Variants in CSMD1 observed in about 807,000 individuals in gnomAD.
CSMD1 encodes CUB and Sushi multiple domains 1.
A neutral mutation model predicts 417.5 loss-of-function variants in CSMD1; 213 were observed. That is an observed-to-expected ratio of 0.51 (90% CI 0.46 to 0.57). The LOEUF is 0.57. Ranked by LOEUF, CSMD1 falls within the 20% of genes least tolerant of loss-of-function variation. CSMD1 has a pLI of 0.00. For synonymous variants in CSMD1, 2,862 were observed against 1,736.8 expected (o/e 1.65, Z -16.11); for missense variants, 6,923 against 4,529.7 (o/e 1.53, Z -15.17).
intron 7 of CSMD1, among the ~76,000 whole-genome samples, chr8:3,624,338 A>G (rs1796393335): frequency 6.6e-6 from 1 of 152,196 alleles, no homozygotes; most frequent in Admixed American, 6.5e-5. Flanking sequence ...AGAGAACAAG[A>G]GCCACAGATT....
At chr8:3,621,977 TTGTGTGTGTGTGTATGTG>T (rs1174280881) in intron 7 of CSMD1, among the ~76,000 whole-genome samples, 9 of 124,730 alleles carry the variant, frequency 7.2e-5, no homozygotes, top group African/African-American at 1.3e-4. Context: ...CTCTCTCTCT[TTGTGTGTGTGTGTATGTG>T]TGTGTGTGTG....
intron 5 of CSMD1, among the ~76,000 whole-genome samples, chr8:3,951,686 T>C (rs1811611707): frequency 6.6e-6 from 1 of 152,172 alleles, no homozygotes; most frequent in South Asian, 2.1e-4. Context: ...TTTGCAGATA[T>C]TTAGTTCTAA....
intron 5 of CSMD1, among the ~76,000 whole-genome samples, chr8:3,995,203 T>C (rs549280360): frequency 1.4e-4 from 22 of 152,348 alleles, no homozygotes; most frequent in African/African-American, 5.1e-4. Context: ...TTCTGTTTTA[T>C]GTTTTAAATG....
intron 25 of CSMD1, among the ~76,000 whole-genome samples, chr8:3,305,248 G>A (rs910080258): frequency 2.0e-5 from 3 of 152,004 alleles, no homozygotes; most frequent in South Asian, 2.1e-4. Flanking sequence ...ATTAAATTCT[G>A]TTACTCAGCT....
intron 2 of CSMD1, among the ~76,000 whole-genome samples, chr8:4,538,385 G>T (rs1008220386): frequency 1.3e-5 from 2 of 151,944 alleles, no homozygotes; most frequent in Non-Finnish European, 2.9e-5. Context: ...GCTTATGCCT[G>T]TAATCCAAGC....
chr8:3,831,368 G>A (rs143730107), intron 5 of CSMD1, among the ~76,000 whole-genome samples: 12 of 152,098 alleles, frequency 7.9e-5, no homozygotes, highest in Admixed American at 1.3e-4. Flanking sequence ...TTGCAAACTC[G>A]TCTTTCCAAC....
chr8:4,274,849 C>T (rs1038299735), intron 3 of CSMD1, among the ~76,000 whole-genome samples: 3 of 152,086 alleles, frequency 2.0e-5, no homozygotes, highest in African/African-American at 7.2e-5. Context: ...TATTGTACTG[C>T]TTTTATTTTT....
At chr8:3,261,191 C>A (rs1373280807) in intron 26 of CSMD1, among the ~76,000 whole-genome samples, 1 of 152,140 alleles carries the variant, frequency 6.6e-6, no homozygotes, top group Non-Finnish European at 1.5e-5. Flanking sequence ...ATACCATAGA[C>A]AATTTTATAT....
intron 2 of CSMD1, among the ~76,000 whole-genome samples, chr8:4,429,606 T>C (rs1287163711): frequency 6.6e-6 from 1 of 152,038 alleles, no homozygotes; most frequent in Admixed American, 6.6e-5. Flanking sequence ...AAGTCAAAGT[T>C]TAGAGACTAT....
intron 18 of CSMD1, chr8:3,373,728 G>C (rs924791731): frequency 2.0e-5 from 3 of 152,106 alleles, no homozygotes; most frequent in Non-Finnish European, 4.4e-5. Context: ...TTTCTGAGTA[G>C]CTGTAAAAGA....
At chr8:4,934,865 A>G (rs1402408502) in intron 1 of CSMD1, among the ~76,000 whole-genome samples, 1 of 152,150 alleles carries the variant, frequency 6.6e-6, no homozygotes, top group Non-Finnish European at 1.5e-5. Flanking sequence ...ATCTAACTAT[A>G]CTACATCAAT....
At chr8:3,407,260 G>A (rs1189475459) in intron 14 of CSMD1, among the ~76,000 whole-genome samples, 1 of 151,896 alleles carries the variant, frequency 6.6e-6, no homozygotes, top group Non-Finnish European at 1.5e-5. Flanking sequence ...TGAATGGAAG[G>A]ATATGGATTG....
At chr8:3,849,011 G>T (rs528088396) in intron 5 of CSMD1, among the ~76,000 whole-genome samples, 70 of 151,738 alleles carry the variant, frequency 4.6e-4, no homozygotes, top group Non-Finnish European at 7.8e-4. Context: ...TCATACAGAA[G>T]GTTCTCTGCT....
intron 6 of CSMD1, among the ~76,000 whole-genome samples, chr8:3,731,225 C>T (rs1003279768): frequency 1.3e-5 from 2 of 152,164 alleles, no homozygotes; most frequent in Non-Finnish European, 2.9e-5. Context: ...TCCCACTGTC[C>T]TCCTTCCCCC....
At chr8:3,703,986 A>C (rs962967762) in intron 7 of CSMD1, among the ~76,000 whole-genome samples, 32 of 152,222 alleles carry the variant, frequency 2.1e-4, no homozygotes, top group Non-Finnish European at 4.1e-4. Flanking sequence ...CAGGAGAATC[A>C]CATGAACCCG....
intron 3 of CSMD1, among the ~76,000 whole-genome samples, chr8:4,234,839 G>A (rs1326673596): frequency 6.6e-6 from 1 of 152,120 alleles, no homozygotes; most frequent in Non-Finnish European, 1.5e-5. Flanking sequence ...TCTCTGCACT[G>A]TGGGCGCCTT....
chr8:3,902,519 G>T (rs556752348), intron 5 of CSMD1, among the ~76,000 whole-genome samples: 1 of 152,128 alleles, frequency 6.6e-6, no homozygotes, highest in East Asian at 1.9e-4. Flanking sequence ...GAGATCATCA[G>T]CCATTAGATT....
At chr8:4,439,163 T>C (rs769996844) in intron 2 of CSMD1, among the ~76,000 whole-genome samples, 6 of 152,214 alleles carry the variant, frequency 3.9e-5, no homozygotes, top group Non-Finnish European at 5.9e-5. Flanking sequence ...GTAAAGATTA[T>C]TTCAATTAAG....
chr8:3,238,150 T>G (rs1341804161), intron 26 of CSMD1, among the ~76,000 whole-genome samples: 2 of 150,536 alleles, frequency 1.3e-5, no homozygotes, highest in Non-Finnish European at 3.0e-5. Flanking sequence ...TAAAGGAAAA[T>G]TACAGTCAAA....
Sources: gnomAD v4.1 joint callset for allele counts (sites outside exome capture counted in the v4.1 genomes callset) on GRCh38, gnomAD v4.1.1 for gene constraint, MANE v1.5 for transcripts, NCBI Gene and HGNC (gene_info 2026-07-23, HGNC 2026-07-21) for gene names.